MRTFA: variants seen among roughly 807,000 people sequenced by gnomAD.
MRTFA encodes the protein myocardin related transcription factor A, also known as myocardin-related transcription factor A.
In MRTFA, 20 loss-of-function variants were observed where a neutral mutation model predicts 83.5. The observed-to-expected ratio is 0.24, with a 90% CI of 0.17 to 0.35. The LOEUF is 0.35. Ranked by LOEUF, MRTFA falls within the 10% of genes least tolerant of loss-of-function variation. The probability of loss-of-function intolerance (pLI) is 1.00; values close to 1 mark genes in which losing one functional copy is unlikely to be tolerated. For missense variants in MRTFA, 1,200 were observed against 1,224.7 expected (o/e 0.98, Z 0.30); for synonymous variants, 659 against 541.2 (o/e 1.22, Z -3.02).
intron 1 of MRTFA, among the ~76,000 whole-genome samples, chr22:40,609,598 A>T (rs2056361300): frequency 6.6e-6 from 1 of 152,070 alleles, no homozygotes; most frequent in East Asian, 1.9e-4. Flanking sequence ...TGGGAGGCCT[A>T]GATGGGTGGA....
intron 1 of MRTFA, among the ~76,000 whole-genome samples, chr22:40,607,218 C>G (rs528790767): frequency 6.6e-6 from 1 of 152,224 alleles, no homozygotes; most frequent in South Asian, 2.1e-4. Flanking sequence ...ACAACAGGTA[C>G]ACAAGGCCGG....
chr22:40,571,871 C>A (rs1296677036), intron 2 of MRTFA, among the ~76,000 whole-genome samples: 3 of 143,188 alleles, frequency 2.1e-5, no homozygotes, highest in Non-Finnish European at 4.5e-5. Context: ...TTGCAGTGAG[C>A]CGAGATCACG....
rs201694198 is a variant in MRTFA, at chr22:40,538,985, C to CTTTTTTTTTTTTTTTTTT, written c.241+13120_241+13121insAAAAAAAAAAAAAAAAAA. On this transcript the variant is annotated intron_variant, in intron 3 of 14. Coordinates refer to ENST00000355630, the MANE Select transcript of MRTFA (RefSeq NM_020831.6). ...GACATTATACTGCAGGATACACAGC[C>CTTTTTTTTTTTTTTTTTT]TTTTGTTTTTTTTTTTTTTTTTTTT... Among the ~76,000 whole-genome samples, 13 of 106,888 alleles carry CTTTTTTTTTTTTTTTTTT rather than the reference C, an allele frequency of 1.2e-4. 4 individuals carry two copies. The highest frequency in any genetic ancestry group is 7.2e-5 in the Non-Finnish European group (4 of 55,568). The allele number at this position is 106,888 out of a possible 152,430, so 70.1% of individuals were successfully genotyped here. A position where few individuals can be genotyped will look rare whatever the true frequency, so the allele number is the denominator to read the frequency against.
chr22:40,481,799 G>A (rs902331329), intron 3 of MRTFA, among the ~76,000 whole-genome samples: 2 of 152,028 alleles, frequency 1.3e-5, no homozygotes, highest in Admixed American at 6.5e-5. Flanking sequence ...GGTGGCTCAC[G>A]CCTGTAATCC....
Position 40,428,045 on chromosome 22 carries a change from CCTCT to C in MRTFA, c.601+1557_601+1560del, listed in dbSNP as rs757697286. ...CACGACACTGTGCCATCCGTCCCTC[CCTCT>C]GACTGTTCCTCTGCATCCTTTACAA... On this transcript the variant is annotated intron_variant, in intron 7 of 14. Transcript: ENST00000355630. Among the ~76,000 whole-genome samples the C allele has an allele frequency of 1.1e-4, 16 of 152,182 alleles. No homozygotes were observed. In the East Asian group the frequency reaches 2.3e-3, roughly 22 times the overall value.
chr22:40,473,543 C>T (rs1315382517), intron 3 of MRTFA, among the ~76,000 whole-genome samples: 1 of 152,122 alleles, frequency 6.6e-6, no homozygotes, highest in East Asian at 1.9e-4. Flanking sequence ...GCTTGATCTG[C>T]TAATAATTGG....
In MRTFA at chr22:40,419,348, G is replaced by C; in HGVS notation, c.1390C>G (p.Leu464Val). The C allele has an allele frequency of 6.2e-7, 1 of 1,613,952 alleles. No individual in the cohort carries two copies. Among genetic ancestry groups the C allele is most frequent in the Non-Finnish European group, 8.5e-7 (1 of 1,180,008 alleles). The change falls in exon 12 of 15, where the codon CTG (leucine) becomes GTG (valine). Residue 464 changes from leucine (L) to valine (V), a missense_variant. By Grantham distance (32) the Leu-to-Val change is conservative. Transcript: ENST00000355630. ...TCAGTTTTGGTGCCCGAGACAGGCAGTGATCGCAACTTCAGCTCCTGCTTC... is the reference window on the plus strand; with the variant it reads ...TCAGTTTTGGTGCCCGAGACAGGCACTGATCGCAACTTCAGCTCCTGCTTC...
chr22:40,441,263 C>T (rs574165299), intron 4 of MRTFA, among the ~76,000 whole-genome samples: 3 of 152,146 alleles, frequency 2.0e-5, no homozygotes, highest in Non-Finnish European at 4.4e-5. Context: ...CCAGAGAAAA[C>T]AAATGAACAG....
intron 1 of MRTFA, among the ~76,000 whole-genome samples, chr22:40,624,798 T>C (rs1178301085): frequency 6.6e-6 from 1 of 152,254 alleles, no homozygotes; most frequent in Non-Finnish European, 1.5e-5. Flanking sequence ...ATGTCATGAT[T>C]AGCTTGTCCA....
intron 3 of MRTFA, among the ~76,000 whole-genome samples, chr22:40,519,826 C>T (rs538897640): frequency 1.3e-5 from 2 of 152,180 alleles, no homozygotes; most frequent in East Asian, 1.9e-4. Context: ...AAGTCAGACT[C>T]TATGAGGTAA....
intron 3 of MRTFA, among the ~76,000 whole-genome samples, chr22:40,505,045 CAAAAT>C (rs1204578731): frequency 2.0e-5 from 3 of 152,004 alleles, no homozygotes; most frequent in African/African-American, 7.2e-5. Context: ...TTTTTGGCCA[CAAAAT>C]AAAACAGAGC....
intron 1 of MRTFA, among the ~76,000 whole-genome samples, chr22:40,620,724 A>T (rs2056512709): frequency 6.6e-6 from 1 of 152,188 alleles, no homozygotes; most frequent in Non-Finnish European, 1.5e-5. Flanking sequence ...AGCAGAAGGT[A>T]GGAATGGAGA....
intron 3 of MRTFA, among the ~76,000 whole-genome samples, chr22:40,539,391 G>A (rs1159107490): frequency 3.4e-5 from 5 of 146,380 alleles, no homozygotes; most frequent in African/African-American, 7.6e-5. Flanking sequence ...CCAGGCTGGA[G>A]TGCAGTGGCA....
At chr22:40,420,040 C>T (rs1292530768) in intron 11 of MRTFA, among the ~76,000 whole-genome samples, 1 of 152,256 alleles carries the variant, frequency 6.6e-6, no homozygotes, top group Non-Finnish European at 1.5e-5. Flanking sequence ...AGCTCCTCCT[C>T]CTGTCACTGC....
intron 4 of MRTFA, among the ~76,000 whole-genome samples, chr22:40,459,239 C>CAAAAAA (rs59958160): frequency 5.7e-5 from 5 of 87,108 alleles, no homozygotes; most frequent in African/African-American, 2.2e-4. Flanking sequence ...AGGGGTCTGG[C>CAAAAAA]AAAAAAAAAA....
chr22:40,534,086 G>A (rs1039776474), intron 3 of MRTFA, among the ~76,000 whole-genome samples: 7 of 152,174 alleles, frequency 4.6e-5, no homozygotes, highest in Non-Finnish European at 8.8e-5. Flanking sequence ...AACAACTCAA[G>A]CTCATGAAAG....
intron 4 of MRTFA, among the ~76,000 whole-genome samples, chr22:40,450,705 A>C (rs1478978364): frequency 6.6e-6 from 1 of 151,686 alleles, no homozygotes; most frequent in Non-Finnish European, 1.5e-5. Context: ...TGATCCACCC[A>C]CCTCAATCTC....
At chr22:40,457,210 C>G (rs559901559) in intron 4 of MRTFA, among the ~76,000 whole-genome samples, 43 of 151,974 alleles carry the variant, frequency 2.8e-4, no homozygotes, top group Middle Eastern at 3.4e-3. Flanking sequence ...ACTATAAATA[C>G]AAAAATTAGC....
chr22:40,482,698 C>A (rs2054111093), intron 3 of MRTFA, among the ~76,000 whole-genome samples: 1 of 152,182 alleles, frequency 6.6e-6, no homozygotes, highest in Non-Finnish European at 1.5e-5. Context: ...ATATGGGCAG[C>A]CTTGAATCTC....
Sources: allele counts gnomAD v4.1 joint callset (sites outside exome capture counted in the v4.1 genomes callset), GRCh38; gene constraint gnomAD v4.1.1; transcripts MANE v1.5; gene names NCBI Gene and HGNC (gene_info 2026-07-23, HGNC 2026-07-21).